The following TMIGD3 variants were observed in gnomAD, a reference collection of about 807,000 sequenced individuals.
The protein encoded by TMIGD3 is AD026 protein (AD026).
In TMIGD3, 21 loss-of-function variants were observed where a neutral mutation model predicts 28.1. The ratio of observed to expected loss-of-function variants is 0.75; its 90% CI spans 0.53 to 1.08. The LOEUF (loss-of-function observed/expected upper bound fraction) is 1.08. TMIGD3 is among the 50% of genes least tolerant of loss of function. The pLI is 0.00. For synonymous variants in TMIGD3, 151 were observed against 162.1 expected, an observed-to-expected ratio of 0.93 and a Z score of 0.52; for missense variants, 416 against 435.6, an observed-to-expected ratio of 0.96 and a Z score of 0.40.
chr1:111,539,756 A>T (rs1656755283), intron 1 of TMIGD3, among the ~76,000 whole-genome samples: 2 of 152,212 alleles, frequency 1.3e-5, no homozygotes, highest in Non-Finnish European at 2.9e-5. Context: ...AGGTTAATTT[A>T]TGTTTGAGGC....
chr1:111,543,410 T>A (rs926104963), intron 1 of TMIGD3, among the ~76,000 whole-genome samples: 1 of 152,094 alleles, frequency 6.6e-6, no homozygotes, highest in Non-Finnish European at 1.5e-5. Context: ...AAATACCATC[T>A]CCCGTCTATT....
intron 1 of TMIGD3, among the ~76,000 whole-genome samples, chr1:111,521,853 TCTC>T (rs1387263983): frequency 6.6e-6 from 1 of 152,208 alleles, no homozygotes; most frequent in Admixed American, 6.5e-5. Context: ...ACTAGGACCT[TCTC>T]CTGTGTTTTC....
At chr1:111,509,152 G>A (rs929413041) in intron 1 of TMIGD3, among the ~76,000 whole-genome samples, 1 of 152,072 alleles carries the variant, frequency 6.6e-6, no homozygotes, top group Non-Finnish European at 1.5e-5. Flanking sequence ...TGGTCTCCTC[G>A]CTTAAGATGA....
rs1432193843 is a variant in TMIGD3, at chr1:111,503,030, A to G, written c.325T>C (p.Tyr109His). The G allele has an allele frequency of 3.7e-6, 6 of 1,614,066 alleles. No homozygotes were observed. Among genetic ancestry groups the G allele is most frequent in the Middle Eastern group, 3.3e-4 (2 of 6,074 alleles). ...MSLLAIAVDR[Y>H]LRVKLTVRFR... The stretch of plus-strand genomic sequence containing the variant: ...CTGACGGTAAGCTTGACCCGCAAGT[A>G]TCGGTCCACAGCGATGGCCAGCAAG... Residue 109 changes from tyrosine (Y) to histidine (H), a missense_variant, in exon 1 of 6, where the codon TAC becomes CAC. By Grantham distance (83) the Tyr-to-His change is moderately conservative. Coordinates refer to ENST00000369716, the MANE Select transcript of TMIGD3 (RefSeq NM_020683.7).
At chr1:111,516,659 A>G (rs1655878920) in intron 1 of TMIGD3, among the ~76,000 whole-genome samples, 1 of 152,136 alleles carries the variant, frequency 6.6e-6, no homozygotes, top group African/African-American at 2.4e-5. Context: ...CTCAGCTCCC[A>G]TTATTCCAGG....
Position 111,503,625 on chromosome 1 carries a change from A to G in TMIGD3, c.-271T>C, listed in dbSNP as rs976066388. The stretch of plus-strand genomic sequence containing the variant: ...TTCCAGAATGCTGTAGGACAGCTCT[A>G]TATGGACTGAATCTGAAAGTGCTGC... On this transcript the variant is annotated 5_prime_UTR_variant, in exon 1 of 6. Transcript: ENST00000369716. 1 of 1,226,086 alleles carries G rather than the reference A, an allele frequency of 8.2e-7. No homozygotes were observed. Among genetic ancestry groups the G allele is most frequent in the South Asian group, 2.2e-5 (1 of 45,976 alleles). The allele number at this position is 1,226,086 out of a possible 1,614,324, so 76.0% of individuals were successfully genotyped here.
chr1:111,550,149 A>T (rs1442898691), intron 1 of TMIGD3, among the ~76,000 whole-genome samples: 1 of 151,888 alleles, frequency 6.6e-6, no homozygotes, highest in African/African-American at 2.4e-5. Flanking sequence ...AATTCTTTTT[A>T]TTTCTTTAAG....
chr1:111,497,391 T>G (rs1396232861), intron 1 of TMIGD3, among the ~76,000 whole-genome samples: 2 of 152,238 alleles, frequency 1.3e-5, no homozygotes, highest in Non-Finnish European at 2.9e-5. Flanking sequence ...ATTACAGGCA[T>G]GAGCCACTGC....
rs1654390268 is a variant in TMIGD3, at chr1:111,486,650, G to A, written c.808C>T (p.Leu270=). 2 of 1,613,688 alleles carry A rather than the reference G, an allele frequency of 1.2e-6. No homozygotes were observed. The highest frequency in any genetic ancestry group is 1.1e-5 in the South Asian group (1 of 91,060). Reference sequence around the variant, plus strand: ...CAGCTTCTGGTTTTGTTGCCTGATAGGTCTGAATCAGAAAGGATTTGTTAA... The same window carrying A: ...CAGCTTCTGGTTTTGTTGCCTGATAAGTCTGAATCAGAAAGGATTTGTTAA... ...LANDFWSGKD[L]SGNKTRSCKA... Residue 270 remains leucine, a splice_region_variant and synonymous_variant, in exon 4 of 6, where the codon CTA becomes TTA. Coordinates refer to ENST00000369716, the MANE Select transcript of TMIGD3 (RefSeq NM_020683.7).
At position 111,502,248 on chromosome 1, in the gene TMIGD3, T is replaced by C. The variant is rs868112648; in HGVS notation, c.350+757A>G. On this transcript the variant is annotated intron_variant, in intron 1 of 5. Coordinates refer to ENST00000369716, the MANE Select transcript of TMIGD3 (RefSeq NM_020683.7). ...TTATAATGAATATATAGGATATATT[T>C]ATTATAATAAATATATAGGATATAT... 1.1e-3 allele frequency among the ~76,000 whole-genome samples: 82 copies of C among 75,612 alleles called. 9 individuals are homozygous for C. Among genetic ancestry groups the C allele is most frequent in the African/African-American group, 3.3e-3 (55 of 16,740 alleles). 49.6% of individuals were successfully genotyped at this position (75,612 alleles called of 152,430 possible). A position where few individuals can be genotyped will look rare whatever the true frequency, so the allele number is the denominator to read the frequency against.
intron 2 of TMIGD3, chr1:111,489,599 G>T: frequency 8.8e-7 from 1 of 1,130,750 alleles, no homozygotes; most frequent in Non-Finnish European, 1.1e-6. Flanking sequence ...CCTGGCCTAA[G>T]GGTGGGTGAA....
intron 1 of TMIGD3, among the ~76,000 whole-genome samples, chr1:111,525,908 G>A (rs1656246265): frequency 1.3e-5 from 2 of 152,006 alleles, no homozygotes; most frequent in Non-Finnish European, 2.9e-5. Context: ...TTTGGAGGAA[G>A]TATAGAATTG....
At chr1:111,485,885 C>T (rs759375650) in intron 4 of TMIGD3, 45 bp from the exon 5 acceptor site, 15 of 1,461,704 alleles carry the variant, frequency 1.0e-5, no homozygotes, top group Middle Eastern at 1.7e-4. Context: ...GAAGAAACTG[C>T]CTATTGATTC....
intron 1 of TMIGD3, among the ~76,000 whole-genome samples, chr1:111,523,000 C>T (rs1410642101): frequency 6.6e-6 from 1 of 152,198 alleles, no homozygotes; most frequent in Non-Finnish European, 1.5e-5. Context: ...CCTTATTCCA[C>T]TGGCTAACTT....
rs374859224 is a variant in TMIGD3, at chr1:111,563,317, G to A, written c.107+529C>T. Among the ~76,000 whole-genome samples the A allele has an allele frequency of 5.9e-5, 9 of 152,116 alleles. No homozygotes were observed. The East Asian group carries it at 1.3e-3, about 23-fold the overall frequency. On this transcript the variant is annotated intron_variant, in intron 1 of 5. Transcript: ENST00000369717. ...ATAAATAAATAAACCCAGTACTGAA[G>A]TCTGTGCTCTTAACAACAAGCAGCT... is the stretch of plus-strand genomic sequence containing the variant.
chr1:111,487,813 T>C (rs987903863), intron 3 of TMIGD3, among the ~76,000 whole-genome samples: 7 of 152,176 alleles, frequency 4.6e-5, no homozygotes, highest in Admixed American at 3.3e-4. Flanking sequence ...ATTATTATTA[T>C]TATTTTTTGA....
At chr1:111,499,952 A>C in intron 1 of TMIGD3, 2 of 1,613,712 alleles carry the variant, frequency 1.2e-6, no homozygotes, top group Non-Finnish European at 1.7e-6. Context: ...ATGGATAACT[A>C]CTCAGAATTC....
chr1:111,555,882 G>A (rs1171750493), intron 1 of TMIGD3, among the ~76,000 whole-genome samples: 1 of 151,930 alleles, frequency 6.6e-6, no homozygotes, highest in Non-Finnish European at 1.5e-5. Context: ...GACACCAAAA[G>A]CAAAGGCAAC....
At chr1:111,519,467 G>T (rs1655980564) in intron 1 of TMIGD3, among the ~76,000 whole-genome samples, 1 of 152,172 alleles carries the variant, frequency 6.6e-6, no homozygotes, top group Non-Finnish European at 1.5e-5. Context: ...TTTGGTTCCA[G>T]ATTAATTTAT....
Sources: allele counts gnomAD v4.1 joint callset (sites outside exome capture counted in the v4.1 genomes callset), GRCh38; gene constraint gnomAD v4.1.1; transcripts MANE v1.5; gene names NCBI Gene and HGNC (gene_info 2026-07-23, HGNC 2026-07-21).